Variants in ST3GAL4 observed in about 807,000 individuals in gnomAD.
ST3GAL4 encodes the protein CMP-N-acetylneuraminate-beta-galactosamide-alpha-2,3-sialyltransferase 4.
A neutral mutation model predicts 42.6 loss-of-function variants in ST3GAL4; 24 were observed. That is an observed-to-expected ratio of 0.56 (90% CI 0.41 to 0.79). ST3GAL4 has a LOEUF of 0.79. Ranked by LOEUF, ST3GAL4 falls within the 30% of genes least tolerant of loss-of-function variation. ST3GAL4 has a pLI of 0.00. For missense variants in ST3GAL4, 311 were observed against 430.8 expected (o/e 0.72, Z 2.46); for synonymous variants, 135 against 163.2 (o/e 0.83, Z 1.32).
chr11:126,369,166 A>T (rs1273670623), intron 1 of ST3GAL4, among the ~76,000 whole-genome samples: 1 of 151,988 alleles, frequency 6.6e-6, no homozygotes, highest in Non-Finnish European at 1.5e-5. Flanking sequence ...AGCTGCTTCC[A>T]TTTCAGTAAT....
chr11:126,405,164 G>A (rs1438123164), intron 1 of ST3GAL4, among the ~76,000 whole-genome samples: 1 of 152,236 alleles, frequency 6.6e-6, no homozygotes, highest in African/African-American at 2.4e-5. Context: ...AGATCATCAG[G>A]AAGCATGGCG....
At chr11:126,367,770 A>G (rs902520366) in intron 1 of ST3GAL4, among the ~76,000 whole-genome samples, 1 of 152,128 alleles carries the variant, frequency 6.6e-6, no homozygotes, top group African/African-American at 2.4e-5. Flanking sequence ...CCCTTAATGT[A>G]TTTGCTCTGT....
At position 126,411,390 on chromosome 11, in the gene ST3GAL4, G is replaced by T. The variant is rs999051516; in HGVS notation, c.771+1979G>T. 5.5e-4 allele frequency among the ~76,000 whole-genome samples: 84 copies of T among 151,994 alleles called. No homozygotes were observed. The highest frequency in any genetic ancestry group is 2.0e-3 in the African/African-American group (84 of 41,372). Reference sequence around the variant, plus strand: ...TGACCTTAGGTGATCTACCCGCCTCGGCCTCCCAAAGTGCTGGGATTACAG... The same window carrying T: ...TGACCTTAGGTGATCTACCCGCCTCTGCCTCCCAAAGTGCTGGGATTACAG... On this transcript the variant is annotated intron_variant, in intron 9 of 10. Transcript: ENST00000444328. The surrounding 1 kb of genome is among the most constrained non-coding windows in gnomAD (Gnocchi z 6.3).
intron 6 of ST3GAL4, among the ~76,000 whole-genome samples, 182 bp from the exon 7 acceptor site, chr11:126,407,917 C>T (rs10790802): frequency 0.42 from 64,041 of 151,828 alleles, 13,790 homozygotes; most frequent in East Asian, 0.68. Flanking sequence ...CCTCCTCTTA[C>T]AAAGCCCAGG....
intron 1 of ST3GAL4, among the ~76,000 whole-genome samples, chr11:126,356,548 G>C (rs73632735): frequency 6.6e-6 from 1 of 152,222 alleles, no homozygotes; most frequent in Non-Finnish European, 1.5e-5. Context: ...CCCAGTCCTG[G>C]GGGGAGGCTC....
chr11:126,381,666 T>G (rs1953008276), intron 1 of ST3GAL4, among the ~76,000 whole-genome samples: 1 of 147,704 alleles, frequency 6.8e-6, no homozygotes, highest in Non-Finnish European at 1.5e-5. Flanking sequence ...TGTGGATGCT[T>G]TGTCTTCTTT....
intron 1 of ST3GAL4, among the ~76,000 whole-genome samples, chr11:126,374,499 T>C (rs1196540141): frequency 1.4e-5 from 2 of 141,826 alleles, no homozygotes; most frequent in Non-Finnish European, 3.1e-5. Flanking sequence ...GAAAGCTGGA[T>C]GAAGAGAGAT....
Position 126,380,224 on chromosome 11 carries a change from C to T in ST3GAL4, c.-61+24382C>T, listed in dbSNP as rs954515589. Among the ~76,000 whole-genome samples the T allele has an allele frequency of 2.6e-5, 4 of 151,116 alleles. No individual in the cohort carries two copies. In the South Asian group the frequency reaches 8.4e-4, roughly 32 times the overall value. Reference sequence around the variant, plus strand: ...TTGCAGTGTGCCGAGATTGTGCCACCGCACTCCAGCCTGGGTGACACAGCG... The same window carrying T: ...TTGCAGTGTGCCGAGATTGTGCCACTGCACTCCAGCCTGGGTGACACAGCG... On this transcript the variant is annotated intron_variant, in intron 1 of 10. Transcript: ENST00000444328.
rs778454798 is a variant in ST3GAL4 at position 126,409,348 on chromosome 11, C to T, written c.708C>T (p.Phe236=). Residue 236 remains phenylalanine (F), a synonymous_variant, in exon 9 of 11, where the codon TTC becomes TTT. Coordinates refer to ENST00000444328, the MANE Select transcript of ST3GAL4 (RefSeq NM_001254757.2). The surrounding 1 kb of genome is among the most constrained non-coding windows in gnomAD (Gnocchi z 4.9). Reference sequence around the variant, plus strand: ...AGATTCGGATTCTCAACCCCTTCTTCATGGAGATTGCAGCTGACAAACTGC... The same window carrying T: ...AGATTCGGATTCTCAACCCCTTCTTTATGGAGATTGCAGCTGACAAACTGC... ...PKQIRILNPF[F]MEIAADKLLS... is the part of the protein sequence containing the mutation. 5.0e-6 allele frequency: 8 copies of T among 1,614,120 alleles called. No individual in the cohort carries two copies. Among genetic ancestry groups the T allele is most frequent in the South Asian group, 2.2e-5 (2 of 91,092 alleles).
rs534354176 is a variant in ST3GAL4, at chr11:126,391,986, T to A, written c.-60-14110T>A. ...GTGTGTGTGTGTATGTGTGTGTATG[T>A]GTATATATAAAATTATTTTCCTTAA... On this transcript the variant is annotated intron_variant, in intron 1 of 10. Transcript: ENST00000444328. The surrounding 1 kb of genome is among the most constrained non-coding windows in gnomAD (Gnocchi z 5.5). Among the ~76,000 whole-genome samples, 5 of 151,790 alleles carry A rather than the reference T, an allele frequency of 3.3e-5. No individual in the cohort carries two copies. The highest frequency in any genetic ancestry group is 7.4e-5 in the Non-Finnish European group (5 of 67,956).
At chr11:126,377,232 G>A (rs1386223714) in intron 1 of ST3GAL4, among the ~76,000 whole-genome samples, 3 of 151,854 alleles carry the variant, frequency 2.0e-5, no homozygotes, top group African/African-American at 4.8e-5. Context: ...GTGTAGTGGC[G>A]CAATCTCAGC....
chr11:126,361,551 G>A (rs1952243132), intron 1 of ST3GAL4, among the ~76,000 whole-genome samples: 1 of 152,024 alleles, frequency 6.6e-6, no homozygotes, highest in Non-Finnish European at 1.5e-5. Flanking sequence ...ATCAACTGAA[G>A]CCCCAGTCCT....
chr11:126,380,311 G>C (rs948870119), intron 1 of ST3GAL4, among the ~76,000 whole-genome samples: 10 of 151,896 alleles, frequency 6.6e-5, no homozygotes, highest in Non-Finnish European at 1.2e-4. Flanking sequence ...CGTAAGGTGG[G>C]ATCATCAATA....
rs1953156271 is a variant in ST3GAL4 at position 126,384,813 on chromosome 11, G to A, written c.-60-21283G>A. 6.1e-6 allele frequency: 6 copies of A among 985,290 alleles called. No individual in the cohort carries two copies. The highest frequency in any genetic ancestry group is 9.4e-5 in the South Asian group (2 of 21,294). 61.0% of individuals were successfully genotyped at this position (985,290 alleles called of 1,614,324 possible). ...AGTGCCTCTGCCTGTCTCCCTGGCC[G>A]TGGCAGGTCCTTTGTCACATATGGG... On this transcript the variant is annotated intron_variant, in intron 1 of 10. Coordinates refer to ENST00000444328, the MANE Select transcript of ST3GAL4 (RefSeq NM_001254757.2). The surrounding 1 kb of genome is among the most constrained non-coding windows in gnomAD (Gnocchi z 5.5).
At chr11:126,362,167 C>T (rs1952263328) in intron 1 of ST3GAL4, among the ~76,000 whole-genome samples, 1 of 149,418 alleles carries the variant, frequency 6.7e-6, no homozygotes. Flanking sequence ...CAGGAGTGAG[C>T]CACCGTGTCT....
In ST3GAL4 at chr11:126,369,256, T is replaced by TTG. The variant is rs1555081905; in HGVS notation, c.-61+13414_-61+13415insTG. Among the ~76,000 whole-genome samples the TTG allele has an allele frequency of 2.7e-3, 413 of 150,752 alleles. 4 individuals are homozygous for TTG. The highest frequency in any genetic ancestry group is 0.025 in the East Asian group (126 of 5,106). ...TTTCTTTCTCTCTCTCTCTTTTTTT[T>TTG]GGGGGGGGGAGGCAGAGTTTTACTC... is the stretch of plus-strand genomic sequence containing the variant. On this transcript the variant is annotated intron_variant, in intron 1 of 10. Coordinates refer to ENST00000444328, the MANE Select transcript of ST3GAL4 (RefSeq NM_001254757.2).
intron 1 of ST3GAL4, among the ~76,000 whole-genome samples, chr11:126,399,730 T>A (rs982416895): frequency 3.9e-5 from 6 of 152,216 alleles, no homozygotes; most frequent in Non-Finnish European, 8.8e-5. Context: ...TTCCACCAAA[T>A]AGCCTAGTTT....
rs1374564556 is a variant in ST3GAL4 at position 126,378,167 on chromosome 11, T to C, written c.-61+22325T>C. ...ACACCACAGATCCAGACTGGCTAGG[T>C]AGAACACCTTTACATACTTTGTTGC... On this transcript the variant is annotated intron_variant, in intron 1 of 10. Coordinates refer to ENST00000444328, the MANE Select transcript of ST3GAL4 (RefSeq NM_001254757.2). The surrounding 1 kb of genome is among the most constrained non-coding windows in gnomAD (Gnocchi z 5.3). Among the ~76,000 whole-genome samples, 1 of 152,162 alleles carries C rather than the reference T, an allele frequency of 6.6e-6. No individual in the cohort carries two copies. The highest frequency in any genetic ancestry group is 1.5e-5 in the Non-Finnish European group (1 of 68,030).
At position 126,391,323 on chromosome 11, in the gene ST3GAL4, G is replaced by C. The variant is rs1307816062; in HGVS notation, c.-60-14773G>C. On this transcript the variant is annotated intron_variant, in intron 1 of 10. Transcript: ENST00000444328. This position sits in a 1 kb window ranked among gnomAD's most constrained non-coding sequence, Gnocchi z 5.5. Reference sequence around the variant, plus strand: ...ATATTCAAGTATTTGTTGATTGCATGCATTATGCCTGACTTGCTCAAAGCA... The same window carrying C: ...ATATTCAAGTATTTGTTGATTGCATCCATTATGCCTGACTTGCTCAAAGCA... 6.6e-6 allele frequency among the ~76,000 whole-genome samples: 1 copy of C among 151,152 alleles called. No homozygotes were observed. The highest frequency in any genetic ancestry group is 1.9e-4 in the East Asian group (1 of 5,164).
Sources: allele counts gnomAD v4.1 joint callset (sites outside exome capture counted in the v4.1 genomes callset), GRCh38; gene constraint gnomAD v4.1.1; non-coding constraint Gnocchi (gnomAD v3.1); transcripts MANE v1.5; gene names NCBI Gene and HGNC (gene_info 2026-07-23, HGNC 2026-07-21).